Variants in RBMS3 observed in about 807,000 individuals in gnomAD.
RBMS3 encodes the protein RNA binding motif single stranded interacting protein 3.
A neutral mutation model predicts 66.8 loss-of-function variants in RBMS3; 27 were observed. The observed-to-expected ratio is 0.40, with a 90% CI of 0.30 to 0.56. The LOEUF (loss-of-function observed/expected upper bound fraction) is 0.56. RBMS3 is among the 20% of genes least tolerant of loss of function. The pLI is 0.40. For synonymous variants in RBMS3, 188 were observed against 183.0 expected (o/e 1.03, Z -0.22); for missense variants, 513 against 549.5 (o/e 0.93, Z 0.66).
intron 3 of RBMS3, among the ~76,000 whole-genome samples, chr3:29,546,255 T>G (rs1402072072): frequency 1.3e-5 from 2 of 152,158 alleles, no homozygotes; most frequent in Non-Finnish European, 2.9e-5. Flanking sequence ...TTGCTTATCA[T>G]AAATTATCAT....
intron 5 of RBMS3, among the ~76,000 whole-genome samples, chr3:29,755,578 C>A (rs140362863): frequency 6.6e-6 from 1 of 152,110 alleles, no homozygotes; most frequent in African/African-American, 2.4e-5. Context: ...CAGAGGGAAA[C>A]GTTTACCACC....
chr3:29,756,760 A>G (rs1343098903), intron 5 of RBMS3, among the ~76,000 whole-genome samples: 1 of 152,092 alleles, frequency 6.6e-6, no homozygotes, highest in Non-Finnish European at 1.5e-5. Context: ...AGGTTTAGTA[A>G]CTCACTAAAA....
At chr3:29,959,751 ACATGGCAG>A (rs1035925510) in intron 12 of RBMS3, among the ~76,000 whole-genome samples, 5 of 152,252 alleles carry the variant, frequency 3.3e-5, no homozygotes, top group African/African-American at 1.2e-4. Context: ...ATCCTTATTC[ACATGGCAG>A]CAGCAAGGAG....
intron 1 of RBMS3, among the ~76,000 whole-genome samples, chr3:29,389,929 T>G (rs1476492742): frequency 6.6e-6 from 1 of 151,934 alleles, no homozygotes; most frequent in Non-Finnish European, 1.5e-5. Context: ...TCCTGGTGGG[T>G]GGAAAAAAGG....
At chr3:29,915,633 G>C (rs2060621616) in intron 10 of RBMS3, among the ~76,000 whole-genome samples, 1 of 151,890 alleles carries the variant, frequency 6.6e-6, no homozygotes, top group East Asian at 1.9e-4. Context: ...TAAATACAAA[G>C]TTCAAACCGA....
At chr3:29,702,605 A>G (rs747686833) in intron 4 of RBMS3, among the ~76,000 whole-genome samples, 8 of 152,302 alleles carry the variant, frequency 5.3e-5, no homozygotes, top group Admixed American at 1.3e-4. Flanking sequence ...CTGCAGCTTC[A>G]TTCCTGAGGC....
At chr3:29,918,625 C>A (rs556450624) in intron 10 of RBMS3, among the ~76,000 whole-genome samples, 1 of 151,872 alleles carries the variant, frequency 6.6e-6, no homozygotes, top group Non-Finnish European at 1.5e-5. Flanking sequence ...AATATTGTAG[C>A]GCTATTTCAG....
chr3:29,931,713 G>A (rs1041641873), intron 10 of RBMS3, among the ~76,000 whole-genome samples: 1 of 152,098 alleles, frequency 6.6e-6, no homozygotes, highest in African/African-American at 2.4e-5. Context: ...TACAAGACAA[G>A]GAATGTTGCA....
At chr3:29,655,839 C>T (rs62234906) in intron 4 of RBMS3, among the ~76,000 whole-genome samples, 26,028 of 151,664 alleles carry the variant, frequency 0.17, 2,403 homozygotes, top group East Asian at 0.31. Context: ...AAAGACTTCT[C>T]GTGGAGCAGG....
chr3:29,825,978 G>T (rs1303677547), intron 6 of RBMS3, among the ~76,000 whole-genome samples: 6 of 151,988 alleles, frequency 3.9e-5, no homozygotes, highest in East Asian at 1.9e-4. Flanking sequence ...ATGTTATTTT[G>T]CATTTTCTTA....
At chr3:29,300,411 C>T (rs1296019042) in intron 1 of RBMS3, among the ~76,000 whole-genome samples, 2 of 151,872 alleles carry the variant, frequency 1.3e-5, no homozygotes, top group East Asian at 3.9e-4. Context: ...TCTAACTGTC[C>T]ATCAATAAAG....
At chr3:29,365,929 A>G (rs1384929418) in intron 1 of RBMS3, among the ~76,000 whole-genome samples, 1 of 152,134 alleles carries the variant, frequency 6.6e-6, no homozygotes, top group Non-Finnish European at 1.5e-5. Flanking sequence ...TCACCAGTTT[A>G]CTGTACTGAG....
At chr3:29,887,386 G>C (rs2059896859) in intron 8 of RBMS3, among the ~76,000 whole-genome samples, 2 of 151,692 alleles carry the variant, frequency 1.3e-5, no homozygotes, top group African/African-American at 4.8e-5. Context: ...TCATGAGGGT[G>C]GTTTCCCCCA....
chr3:29,455,443 G>T (rs1198909813), intron 2 of RBMS3, among the ~76,000 whole-genome samples: 1 of 152,086 alleles, frequency 6.6e-6, no homozygotes, highest in Non-Finnish European at 1.5e-5. Context: ...GCAAACACTG[G>T]ATTATCAAAT....
chr3:29,622,325 G>A (rs2048894811), intron 4 of RBMS3, among the ~76,000 whole-genome samples: 2 of 152,146 alleles, frequency 1.3e-5, no homozygotes, highest in Admixed American at 6.5e-5. Context: ...GAAGCACATA[G>A]GGTGATGTGA....
At chr3:29,979,750 T>C (rs996947933) in intron 12 of RBMS3, among the ~76,000 whole-genome samples, 2 of 152,218 alleles carry the variant, frequency 1.3e-5, no homozygotes, top group African/African-American at 2.4e-5. Flanking sequence ...TCCATGTCCC[T>C]GCAAAGGACA....
At chr3:29,942,516 C>T (rs1473259617) in intron 11 of RBMS3, among the ~76,000 whole-genome samples, 1 of 151,496 alleles carries the variant, frequency 6.6e-6, no homozygotes, top group Non-Finnish European at 1.5e-5. Flanking sequence ...GAGTGAAACC[C>T]TGTCGAAAGA....
intron 3 of RBMS3, among the ~76,000 whole-genome samples, chr3:29,499,889 C>T (rs1258338188): frequency 1.3e-5 from 2 of 152,030 alleles, no homozygotes; most frequent in African/African-American, 4.8e-5. Context: ...TCAAAAAACA[C>T]ACTGGGCCTT....
chr3:29,395,491 T>C (rs1390235283), intron 1 of RBMS3, among the ~76,000 whole-genome samples: 1 of 152,206 alleles, frequency 6.6e-6, no homozygotes, highest in Non-Finnish European at 1.5e-5. Flanking sequence ...AATGAGTTAG[T>C]GTATGCCAAA....
Sources: allele counts gnomAD v4.1 joint callset (sites outside exome capture counted in the v4.1 genomes callset), GRCh38; gene constraint gnomAD v4.1.1; transcripts MANE v1.5; gene names NCBI Gene and HGNC (gene_info 2026-07-23, HGNC 2026-07-21).